The following RMND1 variants were observed in gnomAD, a reference collection of about 807,000 sequenced individuals.
RMND1 encodes required for meiotic nuclear division 1 homolog, also known as required for meiotic nuclear division protein 1 homolog.
A neutral mutation model predicts 54.0 loss-of-function variants in RMND1; 41 were observed. The ratio of observed to expected loss-of-function variants is 0.76; its 90% CI spans 0.59 to 0.98. RMND1 has a LOEUF of 0.98. RMND1 is among the 50% of genes least tolerant of loss of function. The probability of loss-of-function intolerance (pLI) is 0.00; values close to 1 mark genes in which losing one functional copy is unlikely to be tolerated. For missense variants in RMND1, 457 were observed against 532.0 expected, an observed-to-expected ratio of 0.86 and a Z score of 1.39; for synonymous variants, 183 against 181.7, an observed-to-expected ratio of 1.01 and a Z score of -0.06.
chr6:151,441,034 T>C (rs3800275), intron 2 of RMND1, among the ~76,000 whole-genome samples: 12,719 of 152,216 alleles, frequency 0.084, 732 homozygotes, highest in East Asian at 0.16. Context: ...AGGGCTTTTC[T>C]ACTTCAAAAT....
intron 10 of RMND1, among the ~76,000 whole-genome samples, chr6:151,412,317 ATTT>A (rs60862608): frequency 6.9e-6 from 1 of 145,644 alleles, no homozygotes; most frequent in African/African-American, 2.5e-5. Context: ...TTGCTTTTTA[ATTT>A]TTTTTTTTTT....
chr6:151,421,355 C>G, intron 8 of RMND1, 34 bp from the exon 9 acceptor site: 1 of 1,489,556 alleles, frequency 6.7e-7, no homozygotes, highest in East Asian at 2.3e-5. Context: ...ACCAAAAAAC[C>G]ATGTATCTCT....
chr6:151,444,310 G>GA (rs1404718194), intron 2 of RMND1, among the ~76,000 whole-genome samples: 1 of 152,192 alleles, frequency 6.6e-6, no homozygotes, highest in Non-Finnish European at 1.5e-5. Flanking sequence ...CCAGCAAAAG[G>GA]AAAGGGGAAA....
intron 6 of RMND1, among the ~76,000 whole-genome samples, chr6:151,425,970 G>A (rs1456082149): frequency 7.0e-6 from 1 of 143,436 alleles, no homozygotes; most frequent in Non-Finnish European, 1.5e-5. Context: ...TTGAGACAGA[G>A]TCTCACTCTG....
chr6:151,442,213 T>C (rs1780797353), intron 2 of RMND1, among the ~76,000 whole-genome samples: 3 of 152,240 alleles, frequency 2.0e-5, no homozygotes, highest in African/African-American at 7.2e-5. Context: ...TCACGCTTTA[T>C]CCTGTAAGTT....
At chr6:151,449,556 C>T (rs991321889) in intron 1 of RMND1, among the ~76,000 whole-genome samples, 1 of 152,120 alleles carries the variant, frequency 6.6e-6, no homozygotes, top group African/African-American at 2.4e-5. Flanking sequence ...CCCTCACCTC[C>T]TTCAGATGTT....
At position 151,451,469 on chromosome 6, in the gene RMND1, G is replaced by A. The variant is rs58795806; in HGVS notation, c.-15+547C>T. On this transcript the variant is annotated intron_variant, in intron 1 of 11. Transcript: ENST00000444024. ...AAAACGAGGTAAATCAGTAAAATAC[G>A]TGAGACACAAAGCTAAAGGAAAAAA... is the stretch of plus-strand genomic sequence containing the variant. Among the ~76,000 whole-genome samples the A allele has an allele frequency of 5.7e-3, 870 of 152,182 alleles. 16 individuals carry two copies. The highest frequency in any genetic ancestry group is 0.02 in the African/African-American group (813 of 41,508).
At chr6:151,436,282 ATTC>A (rs1356779514) in intron 3 of RMND1, 161 bp downstream of exon 3, 3 of 702,136 alleles carry the variant, frequency 4.3e-6, no homozygotes, top group Non-Finnish European at 6.9e-6. Flanking sequence ...ATACATTTTA[ATTC>A]TTAACTTTGT....
intron 2 of RMND1, among the ~76,000 whole-genome samples, chr6:151,440,234 G>A (rs1240795807): frequency 2.0e-5 from 3 of 152,194 alleles, no homozygotes; most frequent in East Asian, 1.9e-4. Flanking sequence ...GATTACAGGC[G>A]TGAGCCACCA....
Position 151,436,538 on chromosome 6 carries a change from G to A in RMND1, c.521C>T (p.Thr174Ile). The change falls in exon 3 of 12, where the codon ACA becomes ATA. Residue 174 changes from threonine (T) to isoleucine (I), a missense_variant. Thr to Ile is a moderately conservative substitution (Grantham distance 89). Transcript: ENST00000444024. ...ATACTCATCTGCCGTTGCAAATGCT[G>A]TGCAGTGCATTAGGTCCTGTTCCAG... ...LSVNEDLMHCTAFATADEYHL... is the reference protein window; with the variant it reads ...LSVNEDLMHCIAFATADEYHL... The A allele has an allele frequency of 6.2e-7, 1 of 1,613,910 alleles. No homozygotes were observed. The highest frequency in any genetic ancestry group is 8.5e-7 in the Non-Finnish European group (1 of 1,179,832).
intron 1 of RMND1, among the ~76,000 whole-genome samples, chr6:151,447,814 T>C (rs1294454122): frequency 2.8e-5 from 3 of 106,804 alleles, no homozygotes; most frequent in Non-Finnish European, 5.5e-5. Flanking sequence ...TAAATTCTTT[T>C]TTTTTTTTTT....
chr6:151,419,412 A>G (rs1228578270), intron 9 of RMND1, among the ~76,000 whole-genome samples: 1 of 151,976 alleles, frequency 6.6e-6, no homozygotes, highest in Non-Finnish European at 1.5e-5. Flanking sequence ...ATGAAAGTAC[A>G]CATAAACTGA....
chr6:151,408,299 A>C (rs1241913613), intron 10 of RMND1, among the ~76,000 whole-genome samples: 2 of 152,076 alleles, frequency 1.3e-5, no homozygotes, highest in African/African-American at 2.4e-5. Context: ...TAAGACCAGC[A>C]TGGCCAACAT....
chr6:151,450,306 TGAG>T (rs1781108467), intron 1 of RMND1, among the ~76,000 whole-genome samples: 1 of 146,484 alleles, frequency 6.8e-6, no homozygotes, highest in African/African-American at 2.5e-5. Context: ...CCGCCCCATC[TGAG>T]AAGTGAGGAG....
At chr6:151,407,492 A>G (rs964743085) in intron 10 of RMND1, among the ~76,000 whole-genome samples, 1 of 152,036 alleles carries the variant, frequency 6.6e-6, no homozygotes, top group African/African-American at 2.4e-5. Context: ...TCATCATCCA[A>G]TTTATTCCTT....
intron 9 of RMND1, chr6:151,418,627 C>A (rs1296957224): frequency 6.6e-6 from 1 of 151,984 alleles, no homozygotes; most frequent in Admixed American, 6.6e-5. Context: ...AATCTTAACT[C>A]TTATTCTTAT....
intron 1 of RMND1, among the ~76,000 whole-genome samples, chr6:151,449,693 T>A (rs1013021054): frequency 3.3e-5 from 5 of 151,892 alleles, no homozygotes; most frequent in Non-Finnish European, 7.4e-5. Flanking sequence ...CTCCCTCTGA[T>A]GCCGAGCCGA....
At chr6:151,411,426 A>AC (rs1227471245) in intron 10 of RMND1, 1 of 152,056 alleles carries the variant, frequency 6.6e-6, no homozygotes, top group African/African-American at 2.4e-5. Context: ...ATAGATGTGA[A>AC]CCCCTTCATG....
chr6:151,436,796 T>G, intron 2 of RMND1: 1 of 380,470 alleles, frequency 2.6e-6, no homozygotes, highest in Non-Finnish European at 4.8e-6. Flanking sequence ...ATGGAATGGA[T>G]TATTCTGAAA....
Sources: gnomAD v4.1 joint callset for allele counts (sites outside exome capture counted in the v4.1 genomes callset) on GRCh38, gnomAD v4.1.1 for gene constraint, MANE v1.5 for transcripts, NCBI Gene and HGNC (gene_info 2026-07-23, HGNC 2026-07-21) for gene names.